The following TTK variants were observed in gnomAD, a reference collection of about 807,000 sequenced individuals.
TTK encodes the protein dual specificity protein kinase TTK.
A neutral mutation model predicts 117.3 loss-of-function variants in TTK; 59 were observed. The ratio of observed to expected loss-of-function variants is 0.50; its 90% CI spans 0.41 to 0.62. The LOEUF (loss-of-function observed/expected upper bound fraction) is 0.62, where lower values mean the gene tolerates loss of function less well. TTK is among the 20% of genes least tolerant of loss of function. The pLI is 0.00. For missense variants in TTK, 921 were observed against 989.4 expected (o/e 0.93, Z 0.93); for synonymous variants, 302 against 325.0 (o/e 0.93, Z 0.76).
At position 80,026,420 on chromosome 6, in the gene TTK, A is replaced by G. The variant is rs1767606557; in HGVS notation, c.1300A>G (p.Lys434Glu). 6.2e-7 allele frequency: 1 copy of G among 1,613,586 alleles called. No individual in the cohort carries two copies. Among genetic ancestry groups the G allele is most frequent in the Admixed American group, 1.7e-5 (1 of 59,950 alleles). ...TGAGCAACCTGTCTTTTCAGTTTCA[A>G]AACAGTCACCACCAATATCAACATC... ...TFEQPVFSVS[K>E]QSPPISTSKW... Residue 434 changes from lysine to glutamate, a missense_variant, in exon 12 of 22, where the codon AAA becomes GAA. Transcript: ENST00000369798.
At chr6:80,022,112 A>C (rs922473830) in intron 10 of TTK, among the ~76,000 whole-genome samples, 28 of 152,196 alleles carry the variant, frequency 1.8e-4, no homozygotes, top group African/African-American at 5.3e-4. Flanking sequence ...TCTTAGTAAC[A>C]ATGTAGGAAG....
intron 11 of TTK, among the ~76,000 whole-genome samples, chr6:80,023,929 G>A (rs1278191884): frequency 6.6e-6 from 1 of 152,196 alleles, no homozygotes; most frequent in East Asian, 1.9e-4. Context: ...ATCCTGATAG[G>A]TTGAGTCATA....
intron 10 of TTK, among the ~76,000 whole-genome samples, chr6:80,016,672 T>C (rs1038530567): frequency 6.6e-6 from 1 of 152,186 alleles, no homozygotes; most frequent in African/African-American, 2.4e-5. Flanking sequence ...TTATTTTTCT[T>C]TCCCTTTTTA....
chr6:80,024,296 A>G (rs1329311144), intron 11 of TTK, among the ~76,000 whole-genome samples: 1 of 152,242 alleles, frequency 6.6e-6, no homozygotes, highest in Non-Finnish European at 1.5e-5. Flanking sequence ...CCACACAAAT[A>G]TTTGTACATA....
At chr6:80,035,467 T>C (rs773480683) in intron 16 of TTK, 50 bp downstream of exon 16, 7 of 1,523,392 alleles carry the variant, frequency 4.6e-6, no homozygotes, top group Non-Finnish European at 6.2e-6. Context: ...TTGTTAATAG[T>C]GTCATCTTAG....
chr6:80,033,693 C>A (rs1302659027), intron 14 of TTK, among the ~76,000 whole-genome samples: 1 of 152,104 alleles, frequency 6.6e-6, no homozygotes, highest in East Asian at 1.9e-4. Flanking sequence ...ATTTCCTAAT[C>A]CCACTAACAA....
At chr6:80,038,333 C>T (rs1767961518) in intron 18 of TTK, among the ~76,000 whole-genome samples, 2 of 152,156 alleles carry the variant, frequency 1.3e-5, no homozygotes, top group African/African-American at 4.8e-5. Flanking sequence ...TTTGCGTTAG[C>T]CTCATGGGTG....
At chr6:80,013,748 G>A (rs1767229994) in intron 9 of TTK, among the ~76,000 whole-genome samples, 1 of 152,026 alleles carries the variant, frequency 6.6e-6, no homozygotes. Flanking sequence ...AAAAATGAGA[G>A]AGTAAATTGA....
intron 11 of TTK, among the ~76,000 whole-genome samples, chr6:80,023,442 A>C (rs941747115): frequency 9.9e-5 from 15 of 151,994 alleles, no homozygotes; most frequent in Non-Finnish European, 1.8e-4. Context: ...AAATACAAAA[A>C]ATTAGCCGGG....
In TTK at chr6:80,014,557, C is replaced by T. The variant is rs199645793; in HGVS notation, c.1079C>T (p.Thr360Met). The change falls in exon 10 of 22, where the codon ACG becomes ATG. Residue 360 changes from threonine to methionine, a missense_variant. By Grantham distance (81) the Thr-to-Met change is moderately conservative (BLOSUM62 -1). Transcript: ENST00000369798. ...GATTCAATAACCCTGAAGAATAAAA[C>T]GGAATCAAGTCTTCTAGCTAAATTA... ...ITDSITLKNK[T>M]ESSLLAKLEE... 3.0e-5 allele frequency: 48 copies of T among 1,600,676 alleles called. No individual in the cohort carries two copies. Among genetic ancestry groups the T allele is most frequent in the Middle Eastern group, 3.3e-4 (2 of 6,038 alleles).
chr6:80,011,480 G>A lies in TTK; in HGVS notation c.660G>A (p.Gly220=), dbSNP rs1329411290. Residue 220 remains glycine, a synonymous_variant, in exon 6 of 22, where the codon GGG becomes GGA. Coordinates refer to ENST00000369798, the MANE Select transcript of TTK (RefSeq NM_003318.5). ...TAQESFSGSL[G]HLQNRNNSCD... ...AAGAATCATTTTCCGGTTCACTTGGGCATTTACAGAATAGGAACAACAGTT... is the reference window on the plus strand; with the variant it reads ...AAGAATCATTTTCCGGTTCACTTGGACATTTACAGAATAGGAACAACAGTT... The A allele has an allele frequency of 6.2e-7, 1 of 1,607,978 alleles. No individual in the cohort carries two copies. The highest frequency in any genetic ancestry group is 1.3e-5 in the African/African-American group (1 of 74,590).
chr6:80,026,666 T>C, intron 12 of TTK, 152 bp downstream of exon 12: 1 of 1,170,986 alleles, frequency 8.5e-7, no homozygotes, highest in South Asian at 1.5e-5. Context: ...TGTTTTCATC[T>C]ATAAAATGGA....
intron 10 of TTK, among the ~76,000 whole-genome samples, chr6:80,015,859 C>T (rs1767292897): frequency 6.6e-6 from 1 of 152,138 alleles, no homozygotes. Flanking sequence ...CAAGTGACTG[C>T]ATACTTGTAA....
At chr6:80,014,685 C>T in intron 10 of TTK, 99 bp downstream of exon 10, 3 of 1,235,708 alleles carry the variant, frequency 2.4e-6, no homozygotes, top group Non-Finnish European at 3.3e-6. Flanking sequence ...TGATGTGAAA[C>T]TGTGTCTATG....
In TTK at chr6:80,010,947, G is replaced by T; in HGVS notation, c.603G>T (p.Lys201Asn). 1 of 1,611,554 alleles carries T rather than the reference G, an allele frequency of 6.2e-7. No individual in the cohort carries two copies. Among genetic ancestry groups the T allele is most frequent in the African/African-American group, 1.3e-5 (1 of 74,888 alleles). ...AGCTGCTTTCAGAGGAGGAAAAGAA[G>T]AATTTATCAGGTAACTATTAAGGTA... is the stretch of plus-strand genomic sequence containing the variant. Reference protein sequence around the residue: ...KKQLLSEEEKKNLSASTVLTA... With the variant: ...KKQLLSEEEKNNLSASTVLTA... The change falls in exon 5 of 22, where the codon AAG becomes AAT. Residue 201 changes from lysine (K) to asparagine (N), a missense_variant. Physicochemically the swap from Lys to Asn is moderately conservative, Grantham distance 94. Coordinates refer to ENST00000369798, the MANE Select transcript of TTK (RefSeq NM_003318.5).
intron 10 of TTK, among the ~76,000 whole-genome samples, chr6:80,019,731 A>T (rs914699053): frequency 6.6e-6 from 1 of 152,176 alleles, no homozygotes; most frequent in African/African-American, 2.4e-5. Flanking sequence ...TCTAAATTAA[A>T]TTAGTCTTAC....
intron 13 of TTK, among the ~76,000 whole-genome samples, chr6:80,028,621 G>A (rs537554592): frequency 5.1e-4 from 77 of 152,054 alleles, no homozygotes; most frequent in African/African-American, 1.8e-3. Flanking sequence ...CCTGGCCAGC[G>A]TTACTTTTTG....
At chr6:80,007,763 T>C in intron 2 of TTK, 46 bp from the exon 3 acceptor site, 1 of 1,504,882 alleles carries the variant, frequency 6.6e-7, no homozygotes, top group Non-Finnish European at 9.0e-7. Context: ...AATTTGGCAT[T>C]TGTTTTATGT....
Position 80,026,402 on chromosome 6 carries a change from C to T in TTK, c.1282C>T (p.Pro428Ser), listed in dbSNP as rs976509206. The T allele has an allele frequency of 1.2e-6, 2 of 1,612,956 alleles. No individual in the cohort carries two copies. The highest frequency in any genetic ancestry group is 1.7e-5 in the Admixed American group (1 of 59,854). ...TEQKHTTFEQ[P>S]VFSVSKQSPP... is the part of the protein sequence containing the mutation. ...GCAGAAACATACCACTTTTGAGCAA[C>T]CTGTCTTTTCAGTTTCAAAACAGTC... Residue 428 changes from proline (P) to serine (S), a missense_variant, in exon 12 of 22, where the codon CCT (proline) becomes TCT (serine). Transcript: ENST00000369798.
Sources: gnomAD v4.1 joint callset for allele counts (sites outside exome capture counted in the v4.1 genomes callset) on GRCh38, gnomAD v4.1.1 for gene constraint, MANE v1.5 for transcripts, NCBI Gene and HGNC (gene_info 2026-07-23, HGNC 2026-07-21) for gene names.